Variants in RNF180 observed in about 807,000 individuals in gnomAD.
RNF180 encodes ring finger protein 180.
A neutral mutation model predicts 59.2 loss-of-function variants in RNF180; 38 were observed. That is an observed-to-expected ratio of 0.64 (90% CI 0.50 to 0.84). RNF180 has a LOEUF of 0.84. RNF180 is among the 40% of genes least tolerant of loss of function. The pLI is 0.00. For missense variants in RNF180, 705 were observed against 700.9 expected, an observed-to-expected ratio of 1.01 and a Z score of -0.07; for synonymous variants, 262 against 240.3, an observed-to-expected ratio of 1.09 and a Z score of -0.84.
At chr5:64,195,749 C>A (rs1324253601) in intron 1 of RNF180, among the ~76,000 whole-genome samples, 2 of 152,104 alleles carry the variant, frequency 1.3e-5, no homozygotes, top group Admixed American at 1.3e-4. Context: ...AAAATAAGAT[C>A]AATATTCACC....
intron 5 of RNF180, among the ~76,000 whole-genome samples, chr5:64,230,026 A>G (rs1012288620): frequency 6.6e-6 from 1 of 152,148 alleles, no homozygotes; most frequent in African/African-American, 2.4e-5. Flanking sequence ...TTTGCATTGT[A>G]CATTAAATTA....
intron 5 of RNF180, among the ~76,000 whole-genome samples, chr5:64,256,835 C>G (rs547685397): frequency 1.3e-5 from 2 of 152,280 alleles, no homozygotes; most frequent in East Asian, 1.9e-4. Context: ...TATCCACAAG[C>G]ATGGAATGTT....
At chr5:64,334,275 G>A (rs903642484) in intron 7 of RNF180, among the ~76,000 whole-genome samples, 6 of 152,132 alleles carry the variant, frequency 3.9e-5, no homozygotes, top group Non-Finnish European at 7.4e-5. Flanking sequence ...TGCCCAAGCC[G>A]TCAGATAGAT....
At chr5:64,367,018 T>C (rs753540484) in intron 7 of RNF180, among the ~76,000 whole-genome samples, 5 of 151,512 alleles carry the variant, frequency 3.3e-5, no homozygotes, top group Non-Finnish European at 7.4e-5. Context: ...TCAGAAAACA[T>C]TGGATTTCTT....
intron 4 of RNF180, 119 bp downstream of exon 4, chr5:64,214,636 C>T: frequency 1.2e-6 from 1 of 820,488 alleles, no homozygotes; most frequent in Non-Finnish European, 1.9e-6. Flanking sequence ...TCTGGAAATG[C>T]TATTTCTCTC....
intron 5 of RNF180, among the ~76,000 whole-genome samples, chr5:64,246,365 C>T (rs996337820): frequency 6.6e-6 from 1 of 151,692 alleles, no homozygotes; most frequent in African/African-American, 2.4e-5. Flanking sequence ...GACTGCTAGC[C>T]AGACTAATAA....
At chr5:64,209,125 T>A (rs1247723133) in intron 2 of RNF180, among the ~76,000 whole-genome samples, 2 of 152,042 alleles carry the variant, frequency 1.3e-5, no homozygotes, top group African/African-American at 4.8e-5. Flanking sequence ...TGGGATCGCT[T>A]GTTTCAGTGT....
intron 1 of RNF180, among the ~76,000 whole-genome samples, chr5:64,168,886 G>A (rs1276580869): frequency 6.6e-6 from 1 of 152,132 alleles, no homozygotes; most frequent in African/African-American, 2.4e-5. Flanking sequence ...TCTGAAATTG[G>A]GTAGCATCTC....
At chr5:64,195,017 G>GTA (rs968125194) in intron 1 of RNF180, among the ~76,000 whole-genome samples, 89 of 152,222 alleles carry the variant, frequency 5.8e-4, no homozygotes, top group African/African-American at 2.1e-3. Context: ...AAAACTAGTA[G>GTA]TATGTTAGAA....
intron 5 of RNF180, among the ~76,000 whole-genome samples, chr5:64,230,452 T>A (rs1187821067): frequency 6.6e-6 from 1 of 152,220 alleles, no homozygotes; most frequent in East Asian, 1.9e-4. Flanking sequence ...AAAACTTCCA[T>A]ATTCAAAGCC....
At chr5:64,195,775 AGGGTTGTAGGT>A (rs1484822190) in intron 1 of RNF180, among the ~76,000 whole-genome samples, 2 of 152,208 alleles carry the variant, frequency 1.3e-5, no homozygotes, top group Non-Finnish European at 2.9e-5. Flanking sequence ...ATTCTAGTTT[AGGGTTGTAGGT>A]GGCAGAAACC....
At chr5:64,280,012 G>A (rs1181044551) in intron 5 of RNF180, among the ~76,000 whole-genome samples, 1 of 152,144 alleles carries the variant, frequency 6.6e-6, no homozygotes, top group Non-Finnish European at 1.5e-5. Context: ...AGAATCACTT[G>A]AATCACCTAT....
chr5:64,273,120 A>C (rs561089494), intron 5 of RNF180, among the ~76,000 whole-genome samples: 1 of 152,048 alleles, frequency 6.6e-6, no homozygotes, highest in Non-Finnish European at 1.5e-5. Context: ...CTCATGATGC[A>C]CTAATTATAA....
intron 5 of RNF180, among the ~76,000 whole-genome samples, chr5:64,297,798 A>G (rs1742961908): frequency 6.6e-6 from 1 of 152,126 alleles, no homozygotes; most frequent in Non-Finnish European, 1.5e-5. Context: ...GTTACTTGAA[A>G]TGACAGGAAA....
At chr5:64,339,408 T>TTA in intron 7 of RNF180, among the ~76,000 whole-genome samples, 1 of 139,548 alleles carries the variant, frequency 7.2e-6, no homozygotes, top group African/African-American at 3.3e-5. Context: ...TTTCTAATTA[T>TTA]TTTTTATAAT....
At chr5:64,310,421 A>T (rs1288977088) in intron 5 of RNF180, among the ~76,000 whole-genome samples, 1 of 151,380 alleles carries the variant, frequency 6.6e-6, no homozygotes, top group Non-Finnish European at 1.5e-5. Context: ...TGCTTAATAT[A>T]TGTCTCAATC....
chr5:64,252,304 TGAG>T (rs1561218687), intron 5 of RNF180, among the ~76,000 whole-genome samples: 1 of 151,980 alleles, frequency 6.6e-6, no homozygotes. Flanking sequence ...AGGGGGAAGT[TGAG>T]GAGATATTGG....
At chr5:64,202,898 A>G (rs1751824462) in intron 2 of RNF180, among the ~76,000 whole-genome samples, 1 of 152,238 alleles carries the variant, frequency 6.6e-6, no homozygotes, top group Non-Finnish European at 1.5e-5. Context: ...TCACACTGCT[A>G]CTAAGAAGTG....
chr5:64,267,624 T>C (rs1185994812), intron 5 of RNF180, among the ~76,000 whole-genome samples: 2 of 152,078 alleles, frequency 1.3e-5, no homozygotes, highest in Non-Finnish European at 2.9e-5. Context: ...GTTCTTGAGA[T>C]AGTTTACTGA....
Sources: allele counts gnomAD v4.1 joint callset (sites outside exome capture counted in the v4.1 genomes callset), GRCh38; gene constraint gnomAD v4.1.1; transcripts MANE v1.5; gene names NCBI Gene and HGNC (gene_info 2026-07-23, HGNC 2026-07-21).